Variants in SLIT3 observed in about 807,000 individuals in gnomAD.
SLIT3 encodes the protein slit guidance ligand 3, also known as slit homolog 3 protein.
Under a neutral mutation model 184.0 loss-of-function variants are expected in SLIT3, and 68 were observed. The observed-to-expected ratio is 0.37, with a 90% CI of 0.30 to 0.45. SLIT3 has a LOEUF of 0.45. SLIT3 is among the 20% of genes least tolerant of loss of function. The pLI is 1.00. For missense variants in SLIT3, 1,707 were observed against 2,026.0 expected (o/e 0.84, Z 3.02); for synonymous variants, 831 against 828.6 (o/e 1.00, Z -0.05).
At chr5:169,033,205 A>C (rs1368631666) in intron 4 of SLIT3, among the ~76,000 whole-genome samples, 1 of 152,028 alleles carries the variant, frequency 6.6e-6, no homozygotes, top group Non-Finnish European at 1.5e-5. Flanking sequence ...GAAACAATGC[A>C]ATCTTTTTCT....
At chr5:168,676,932 G>A (rs1288226866) in intron 32 of SLIT3, among the ~76,000 whole-genome samples, 1 of 152,206 alleles carries the variant, frequency 6.6e-6, no homozygotes, top group East Asian at 1.9e-4. Flanking sequence ...CATCCCAGGT[G>A]CTGGTGAATA....
At chr5:169,072,256 A>G (rs1241636705) in intron 4 of SLIT3, among the ~76,000 whole-genome samples, 1 of 152,156 alleles carries the variant, frequency 6.6e-6, no homozygotes, top group Non-Finnish European at 1.5e-5. Flanking sequence ...TTGAAAATGC[A>G]CTGGCATCAG....
chr5:168,975,303 C>T (rs940596100), intron 4 of SLIT3, among the ~76,000 whole-genome samples: 44 of 152,292 alleles, frequency 2.9e-4, no homozygotes, highest in Middle Eastern at 3.4e-3. Flanking sequence ...GGGGCTTTTC[C>T]TAGTGAACTC....
intron 20 of SLIT3, among the ~76,000 whole-genome samples, chr5:168,728,127 C>G (rs1763191659): frequency 6.6e-6 from 1 of 152,010 alleles, no homozygotes; most frequent in Admixed American, 6.6e-5. Context: ...TCCAGCTAAA[C>G]TTCACCACCA....
intron 4 of SLIT3, among the ~76,000 whole-genome samples, chr5:169,077,077 A>G (rs981916386): frequency 2.6e-5 from 4 of 152,190 alleles, no homozygotes; most frequent in African/African-American, 4.8e-5. Context: ...CCCCTGAGAC[A>G]GCAAGAACAA....
At chr5:169,088,516 C>G (rs139512364) in intron 4 of SLIT3, among the ~76,000 whole-genome samples, 1 of 151,966 alleles carries the variant, frequency 6.6e-6, no homozygotes, top group East Asian at 1.9e-4. Flanking sequence ...ATAGCAACGG[C>G]ATTTCTGAGC....
intron 1 of SLIT3, among the ~76,000 whole-genome samples, chr5:169,267,160 T>G (rs1357076796): frequency 6.6e-6 from 1 of 152,018 alleles, no homozygotes; most frequent in African/African-American, 2.4e-5. Flanking sequence ...ATTGAACAAA[T>G]AGAGGCACAG....
intron 6 of SLIT3, among the ~76,000 whole-genome samples, chr5:168,826,773 T>C (rs1463604934): frequency 2.0e-5 from 3 of 152,164 alleles, no homozygotes; most frequent in Non-Finnish European, 4.4e-5. Context: ...GTTTCTTTTC[T>C]TTTTCTGAGA....
chr5:168,700,066 T>C (rs1762169741), intron 27 of SLIT3, among the ~76,000 whole-genome samples: 1 of 152,212 alleles, frequency 6.6e-6, no homozygotes, highest in African/African-American at 2.4e-5. Flanking sequence ...TGGGGATAAA[T>C]TGTACTTCCC....
At chr5:169,273,242 G>C (rs1766690342) in intron 1 of SLIT3, among the ~76,000 whole-genome samples, 1 of 152,202 alleles carries the variant, frequency 6.6e-6, no homozygotes, top group Non-Finnish European at 1.5e-5. Context: ...CCACAGGAGA[G>C]GGAGGCAGGC....
intron 23 of SLIT3, among the ~76,000 whole-genome samples, chr5:168,714,581 C>CACAA (rs961048118): frequency 3.4e-4 from 51 of 152,120 alleles, no homozygotes; most frequent in Admixed American, 2.9e-3. Flanking sequence ...GAAACTCCAT[C>CACAA]ACAAACAAAC....
rs997485248 is a variant in SLIT3, at chr5:168,663,748, G to A, written c.*2706C>T. On this transcript the variant is annotated 3_prime_UTR_variant, in exon 36 of 36. Coordinates refer to ENST00000519560, the MANE Select transcript of SLIT3 (RefSeq NM_003062.4). The stretch of plus-strand genomic sequence containing the variant: ...TTGCTTTTTAAAAGGCCACTCCCAG[G>A]AAAGTTCAATTCCCTTTCTCACTCT... 4.6e-5 allele frequency: 7 copies of A among 152,222 alleles called. No homozygotes were observed. Among genetic ancestry groups the A allele is most frequent in the African/African-American group, 1.7e-4 (7 of 41,436 alleles). 9.4% of individuals were successfully genotyped at this position (152,222 alleles called of 1,614,324 possible).
At position 168,807,292 on chromosome 5, in the gene SLIT3, A is replaced by G. The variant is rs1009921364; in HGVS notation, c.794-705T>C. ...CTAAGGAGCTCATTTAGAAAGCCAA[A>G]TGTAGATAGACATATCCATTACTAA... is the stretch of plus-strand genomic sequence containing the variant. On this transcript the variant is annotated intron_variant, in intron 8 of 35. Coordinates refer to ENST00000519560, the MANE Select transcript of SLIT3 (RefSeq NM_003062.4). Among the ~76,000 whole-genome samples the G allele has an allele frequency of 3.0e-4, 46 of 152,380 alleles. 2 individuals are homozygous for G. The highest frequency in any genetic ancestry group is 2.7e-3 in the Admixed American group (42 of 15,312).
intron 4 of SLIT3, among the ~76,000 whole-genome samples, chr5:169,097,766 C>T (rs1023695313): frequency 2.0e-5 from 3 of 152,150 alleles, no homozygotes; most frequent in Non-Finnish European, 4.4e-5. Flanking sequence ...CTGTAGCCCC[C>T]CACCACCCTG....
chr5:169,177,592 C>G (rs1763023382), intron 4 of SLIT3, among the ~76,000 whole-genome samples: 1 of 152,152 alleles, frequency 6.6e-6, no homozygotes, highest in African/African-American at 2.4e-5. Context: ...TGGTCAGGTC[C>G]TCAGTGGCTG....
At position 169,292,285 on chromosome 5, in the gene SLIT3, C is replaced by T. The variant is rs1385096377; in HGVS notation, c.197+8228G>A. On this transcript the variant is annotated intron_variant, in intron 1 of 35. Transcript: ENST00000519560. ...CACATATACATACACATTCAACATA[C>T]ACACACATACATGCGTCATATCCTG... 2.0e-5 allele frequency among the ~76,000 whole-genome samples: 3 copies of T among 152,194 alleles called. No individual in the cohort carries two copies. In the East Asian group the frequency reaches 5.8e-4, roughly 29 times the overall value.
At chr5:169,164,069 G>A (rs1451336592) in intron 4 of SLIT3, among the ~76,000 whole-genome samples, 1 of 152,156 alleles carries the variant, frequency 6.6e-6, no homozygotes, top group African/African-American at 2.4e-5. Context: ...TTATGTTCTG[G>A]AAGGATGTTC....
intron 4 of SLIT3, among the ~76,000 whole-genome samples, chr5:169,190,299 C>A (rs1380120624): frequency 2.0e-5 from 3 of 152,328 alleles, no homozygotes; most frequent in Middle Eastern, 3.4e-3. Context: ...GAGTCTTTTG[C>A]ATTAGCTCAC....
In SLIT3 at chr5:169,011,877, A is replaced by G. The variant is rs1756169249; in HGVS notation, c.414-128541T>C. ...GGAAGCCCCCTGTATAGCACTGCCC[A>G]CTTTGATAAAAATATCATTTATTCA... On this transcript the variant is annotated intron_variant, in intron 4 of 35. Coordinates refer to ENST00000519560, the MANE Select transcript of SLIT3 (RefSeq NM_003062.4). Among the ~76,000 whole-genome samples, 4 of 151,908 alleles carry G rather than the reference A, an allele frequency of 2.6e-5. No homozygotes were observed. In the South Asian group the frequency reaches 8.3e-4, roughly 32 times the overall value.
Sources: gnomAD v4.1 joint callset for allele counts (sites outside exome capture counted in the v4.1 genomes callset) on GRCh38, gnomAD v4.1.1 for gene constraint, MANE v1.5 for transcripts, NCBI Gene and HGNC (gene_info 2026-07-23, HGNC 2026-07-21) for gene names.